The following SLC30A8 variants were observed in gnomAD, a reference collection of about 807,000 sequenced individuals.
The protein encoded by SLC30A8 is solute carrier family 30 member 8, also known as proton-coupled zinc antiporter SLC30A8.
SLC30A8 carries 27 observed loss-of-function variants against 36.9 expected under a neutral mutation model. That is an observed-to-expected ratio of 0.73 (90% CI 0.54 to 1.01). The LOEUF is 1.01. Ranked by LOEUF, SLC30A8 falls within the 50% of genes least tolerant of loss-of-function variation. SLC30A8 has a pLI of 0.00. For synonymous variants in SLC30A8, 164 were observed against 172.4 expected, an observed-to-expected ratio of 0.95 and a Z score of 0.38; for missense variants, 439 against 452.0, an observed-to-expected ratio of 0.97 and a Z score of 0.26.
intron 1 of SLC30A8, among the ~76,000 whole-genome samples, chr8:117,030,531 GTCT>G (rs890554644): frequency 2.6e-5 from 4 of 152,076 alleles, no homozygotes; most frequent in Non-Finnish European, 5.9e-5. Flanking sequence ...TCTTTGGTCT[GTCT>G]TCTTCTTTGT....
intron 2 of SLC30A8, among the ~76,000 whole-genome samples, chr8:117,094,850 C>T (rs776224938): frequency 3.4e-4 from 51 of 152,230 alleles, no homozygotes; most frequent in Non-Finnish European, 7.3e-5. Flanking sequence ...CCACCTCAGC[C>T]TCCTTCCCAT....
intron 2 of SLC30A8, among the ~76,000 whole-genome samples, chr8:117,071,814 T>A (rs1390230333): frequency 6.6e-6 from 1 of 152,208 alleles, no homozygotes; most frequent in Admixed American, 6.5e-5. Flanking sequence ...CAAAATTAAC[T>A]GTATACTAGA....
At chr8:117,157,324 ACT>A (rs1473391597) in intron 3 of SLC30A8, among the ~76,000 whole-genome samples, 1 of 151,990 alleles carries the variant, frequency 6.6e-6, no homozygotes, top group Non-Finnish European at 1.5e-5. Flanking sequence ...AACACATTTT[ACT>A]CTCTGTGTCT....
chr8:117,074,590 C>T (rs1818433163), intron 2 of SLC30A8, among the ~76,000 whole-genome samples: 1 of 152,122 alleles, frequency 6.6e-6, no homozygotes, highest in Non-Finnish European at 1.5e-5. Context: ...ATCACCAACC[C>T]CAGTCTCCCC....
At chr8:117,078,466 G>T (rs1214947598) in intron 2 of SLC30A8, among the ~76,000 whole-genome samples, 1 of 151,204 alleles carries the variant, frequency 6.6e-6, no homozygotes, top group Admixed American at 6.6e-5. Context: ...CTACTTTCTA[G>T]ATTTTTTTTT....
chr8:116,976,939 C>G (rs1217378152), intron 1 of SLC30A8, among the ~76,000 whole-genome samples: 1 of 150,662 alleles, frequency 6.6e-6, no homozygotes, highest in Non-Finnish European at 1.5e-5. Context: ...GCCTCAGCCT[C>G]CCGAGTAGCT....
intron 2 of SLC30A8, among the ~76,000 whole-genome samples, chr8:117,054,682 G>T (rs1362713710): frequency 1.4e-5 from 2 of 146,936 alleles, no homozygotes; most frequent in African/African-American, 5.1e-5. Flanking sequence ...ATTGTCAGAG[G>T]TATGTAGAAT....
At chr8:117,085,268 T>A (rs1818830068) in intron 2 of SLC30A8, among the ~76,000 whole-genome samples, 2 of 152,168 alleles carry the variant, frequency 1.3e-5, no homozygotes, top group Admixed American at 1.3e-4. Context: ...TCTCTTAAGA[T>A]CATACCATTA....
At chr8:116,969,828 A>G (rs1288303437) in intron 1 of SLC30A8, among the ~76,000 whole-genome samples, 1 of 152,214 alleles carries the variant, frequency 6.6e-6, no homozygotes, top group African/African-American at 2.4e-5. Context: ...TGGAGCTTGC[A>G]GGACTGAAAG....
intron 1 of SLC30A8, among the ~76,000 whole-genome samples, chr8:116,984,320 A>G (rs1230367338): frequency 6.6e-6 from 1 of 152,156 alleles, no homozygotes; most frequent in Non-Finnish European, 1.5e-5. Flanking sequence ...CTCTGGGATA[A>G]ATATCCAGGA....
At chr8:117,018,029 T>C (rs1816574689) in intron 1 of SLC30A8, 1 of 152,236 alleles carries the variant, frequency 6.6e-6, no homozygotes, top group Non-Finnish European at 1.5e-5. Flanking sequence ...CCAGGCATTC[T>C]GGGCTATAGT....
At chr8:117,059,952 G>T (rs1817980944) in intron 2 of SLC30A8, among the ~76,000 whole-genome samples, 1 of 152,076 alleles carries the variant, frequency 6.6e-6, no homozygotes, top group East Asian at 1.9e-4. Context: ...GGCAGAGGGG[G>T]TGAGAAGGAG....
rs202166449 is a variant in SLC30A8 at position 116,982,739 on chromosome 8, A to T, written c.-266+31620A>T. Among the ~76,000 whole-genome samples the T allele has an allele frequency of 3.3e-5, 5 of 152,260 alleles. No individual in the cohort carries two copies. The East Asian group carries it at 9.6e-4, about 29-fold the overall frequency. On this transcript the variant is annotated intron_variant, in intron 1 of 10. Coordinates refer to the SLC30A8 transcript ENST00000427715. Reference sequence around the variant, plus strand: ...TGCACAAATAATCTCTCACACGTGAAACATTATCACCTCAGGGGAAATTCC... The same window carrying T: ...TGCACAAATAATCTCTCACACGTGATACATTATCACCTCAGGGGAAATTCC...
At chr8:117,026,540 G>A (rs1382545085) in intron 1 of SLC30A8, among the ~76,000 whole-genome samples, 1 of 152,144 alleles carries the variant, frequency 6.6e-6, no homozygotes, top group African/African-American at 2.4e-5. Context: ...CTCTCCCATA[G>A]GGCAGAAGCA....
chr8:116,998,381 A>G (rs2130679396), intron 1 of SLC30A8, among the ~76,000 whole-genome samples: 1 of 152,320 alleles, frequency 6.6e-6, no homozygotes, highest in East Asian at 1.9e-4. Context: ...CATACTATTT[A>G]AAATGAAAAG....
chr8:117,026,858 TG>T (rs1411716317), intron 1 of SLC30A8, among the ~76,000 whole-genome samples: 4 of 152,110 alleles, frequency 2.6e-5, no homozygotes, highest in African/African-American at 7.2e-5. Flanking sequence ...ACAAGAAACC[TG>T]GGATCTATAG....
intron 1 of SLC30A8, among the ~76,000 whole-genome samples, chr8:116,995,042 T>C (rs1815769508): frequency 6.6e-6 from 1 of 152,130 alleles, no homozygotes; most frequent in African/African-American, 2.4e-5. Context: ...TGGAAGGTCA[T>C]GCTAATGCCT....
At chr8:116,992,011 G>A (rs1815662341) in intron 1 of SLC30A8, among the ~76,000 whole-genome samples, 1 of 152,128 alleles carries the variant, frequency 6.6e-6, no homozygotes, top group African/African-American at 2.4e-5. Context: ...CAAATTTATG[G>A]TTCTGGCGAA....
intron 1 of SLC30A8, among the ~76,000 whole-genome samples, chr8:117,022,786 C>G (rs1034242892): frequency 6.6e-6 from 1 of 152,110 alleles, no homozygotes; most frequent in African/African-American, 2.4e-5. Context: ...AGAAGAAAAC[C>G]TAGGCAATAC....
Sources: allele counts gnomAD v4.1 joint callset (sites outside exome capture counted in the v4.1 genomes callset), GRCh38; gene constraint gnomAD v4.1.1; transcripts MANE v1.5; gene names NCBI Gene and HGNC (gene_info 2026-07-23, HGNC 2026-07-21).